TMPRSS11E: variants seen among roughly 807,000 people sequenced by gnomAD.
TMPRSS11E encodes the protein transmembrane serine protease 11E, also known as transmembrane protease serine 11E.
A neutral mutation model predicts 48.1 loss-of-function variants in TMPRSS11E; 38 were observed. The ratio of observed to expected loss-of-function variants is 0.79; its 90% confidence interval spans 0.61 to 1.04. The LOEUF (loss-of-function observed/expected upper bound fraction) is 1.04. Ranked by LOEUF, TMPRSS11E falls within the 50% of genes least tolerant of loss-of-function variation. TMPRSS11E has a pLI of 0.00. For missense variants in TMPRSS11E, 530 were observed against 510.8 expected, an observed-to-expected ratio of 1.04 and a Z score of -0.36; for synonymous variants, 158 against 171.9, an observed-to-expected ratio of 0.92 and a Z score of 0.63.
intron 2 of TMPRSS11E, among the ~76,000 whole-genome samples, chr4:68,464,685 T>C (rs1017074778): frequency 6.6e-6 from 1 of 152,206 alleles, no homozygotes; most frequent in Non-Finnish European, 1.5e-5. Flanking sequence ...AAATTGCCAA[T>C]ATTTGACTAT....
intron 6 of TMPRSS11E, among the ~76,000 whole-genome samples, 172 bp downstream of exon 6, chr4:68,474,933 A>T (rs1729169779): frequency 6.6e-6 from 1 of 152,128 alleles, no homozygotes; most frequent in Admixed American, 6.6e-5. Flanking sequence ...TTTTATTAGT[A>T]AAGGATAGCA....
At chr4:68,471,419 TTTC>T (rs777358062) in intron 4 of TMPRSS11E, 38 bp from the exon 5 acceptor site, 2 of 962,962 alleles carry the variant, frequency 2.1e-6, no homozygotes, top group African/African-American at 3.6e-5. Flanking sequence ...TCTTTCTTCT[TTTC>T]TTTTCTTTCT....
Position 68,476,429 on chromosome 4 carries a change from G to A in TMPRSS11E, c.698G>A (p.Cys233Tyr). 6.2e-7 allele frequency: 1 copy of A among 1,608,670 alleles called. No individual in the cohort carries two copies. Among genetic ancestry groups the A allele is most frequent in the Admixed American group, 1.7e-5 (1 of 59,562 alleles). Reference sequence around the variant, plus strand: ...ACATGGCTTGTGAGTGCTGCTCACTGTTTTACAACGTAAGTCTTGAAGCTT... The same window carrying A: ...ACATGGCTTGTGAGTGCTGCTCACTATTTTACAACGTAAGTCTTGAAGCTT... ...NATWLVSAAH[C>Y]FTTYKNPARW... Residue 233 changes from cysteine to tyrosine, a missense_variant, in exon 7 of 10, where the codon TGT becomes TAT. By Grantham distance (194) the Cys-to-Tyr change is radical. Coordinates refer to ENST00000305363, the MANE Select transcript of TMPRSS11E (RefSeq NM_014058.4).
At chr4:68,459,373 CATA>C (rs1363601642) in intron 1 of TMPRSS11E, among the ~76,000 whole-genome samples, 15 of 151,854 alleles carry the variant, frequency 9.9e-5, no homozygotes, top group Non-Finnish European at 1.3e-4. Context: ...ATTCAAACGC[CATA>C]ATGTTGTTCT....
intron 1 of TMPRSS11E, among the ~76,000 whole-genome samples, chr4:68,460,697 A>T (rs753474471): frequency 6.6e-6 from 1 of 152,198 alleles, no homozygotes; most frequent in Non-Finnish European, 1.5e-5. Context: ...CTCCTTAGTC[A>T]TCTCTGACTT....
intron 1 of TMPRSS11E, among the ~76,000 whole-genome samples, chr4:68,459,490 T>A (rs186848693): frequency 3.7e-4 from 57 of 152,320 alleles, no homozygotes; most frequent in African/African-American, 1.1e-3. Flanking sequence ...GTGTCTTCTA[T>A]ATATTTTGTT....
chr4:68,464,695 T>G (rs566138343), intron 2 of TMPRSS11E, among the ~76,000 whole-genome samples: 1 of 152,220 alleles, frequency 6.6e-6, no homozygotes, highest in Non-Finnish European at 1.5e-5. Context: ...TATTTGACTA[T>G]TTTTGACCTG....
At chr4:68,490,167 G>A (rs1729676812) in intron 9 of TMPRSS11E, among the ~76,000 whole-genome samples, 1 of 152,136 alleles carries the variant, frequency 6.6e-6, no homozygotes, top group Non-Finnish European at 1.5e-5. Context: ...AGGGTTACCA[G>A]CTTCCTTCCC....
chr4:68,460,420 C>T (rs1454780458), intron 1 of TMPRSS11E, among the ~76,000 whole-genome samples: 1 of 152,148 alleles, frequency 6.6e-6, no homozygotes, highest in Non-Finnish European at 1.5e-5. Context: ...GTGCTTTAGA[C>T]GGAATGGTTA....
At chr4:68,450,370 G>C (rs1458191287) in intron 1 of TMPRSS11E, among the ~76,000 whole-genome samples, 1 of 151,918 alleles carries the variant, frequency 6.6e-6, no homozygotes, top group African/African-American at 2.4e-5. Flanking sequence ...AAAAGATGAA[G>C]CACCTGTGGC....
intron 5 of TMPRSS11E, among the ~76,000 whole-genome samples, chr4:68,472,941 CA>C (rs1223057609): frequency 6.6e-6 from 1 of 151,954 alleles, no homozygotes; most frequent in Non-Finnish European, 1.5e-5. Context: ...TTATATCATG[CA>C]ATGTCGATAT....
chr4:68,473,665 G>A (rs544474377), intron 5 of TMPRSS11E, among the ~76,000 whole-genome samples: 1 of 152,032 alleles, frequency 6.6e-6, no homozygotes, highest in Admixed American at 6.6e-5. Context: ...CAAGCACAAG[G>A]CCATTGTGAG....
At chr4:68,479,059 TC>T in intron 9 of TMPRSS11E, 68 bp downstream of exon 9, 1 of 1,579,102 alleles carries the variant, frequency 6.3e-7, no homozygotes, top group South Asian at 1.2e-5. Context: ...TAATTATATA[TC>T]TACAGGAAGT....
intron 4 of TMPRSS11E, among the ~76,000 whole-genome samples, chr4:68,469,968 A>G (rs752273153): frequency 8.6e-5 from 13 of 151,908 alleles, no homozygotes; most frequent in Non-Finnish European, 1.9e-4. Context: ...TCACCTCTTT[A>G]TTCCAGTAAT....
At chr4:68,457,632 G>C (rs771154707) in intron 1 of TMPRSS11E, among the ~76,000 whole-genome samples, 1 of 152,172 alleles carries the variant, frequency 6.6e-6, no homozygotes, top group East Asian at 1.9e-4. Flanking sequence ...CAATAGCAAA[G>C]ACTTGGAACC....
intron 6 of TMPRSS11E, among the ~76,000 whole-genome samples, chr4:68,475,702 G>A (rs999636027): frequency 6.6e-6 from 1 of 152,094 alleles, no homozygotes; most frequent in Non-Finnish European, 1.5e-5. Context: ...AAATATTGTT[G>A]GCCAAGCTAT....
At chr4:68,486,483 T>C (rs1292076458) in intron 9 of TMPRSS11E, among the ~76,000 whole-genome samples, 1 of 152,228 alleles carries the variant, frequency 6.6e-6, no homozygotes, top group African/African-American at 2.4e-5. Flanking sequence ...CTATTTTTAT[T>C]GCACTGTGGT....
At chr4:68,450,768 ATC>A (rs1728476395) in intron 1 of TMPRSS11E, among the ~76,000 whole-genome samples, 1 of 151,936 alleles carries the variant, frequency 6.6e-6, no homozygotes, top group Admixed American at 6.6e-5. Context: ...ATAAACAGTG[ATC>A]TATCTTTTCT....
At chr4:68,478,467 T>TTTTTTTTTA in intron 8 of TMPRSS11E, among the ~76,000 whole-genome samples, 1 of 142,544 alleles carries the variant, frequency 7.0e-6, no homozygotes, top group Non-Finnish European at 1.5e-5. Flanking sequence ...TTTTTTTTTT[T>TTTTTTTTTA]TTTTTAAGAT....
Sources: gnomAD v4.1 joint callset for allele counts (sites outside exome capture counted in the v4.1 genomes callset) on GRCh38, gnomAD v4.1.1 for gene constraint, MANE v1.5 for transcripts, NCBI Gene and HGNC (gene_info 2026-07-23, HGNC 2026-07-21) for gene names.